FRMD5: variants seen among roughly 807,000 people sequenced by gnomAD.
The protein encoded by FRMD5 is FERM domain containing 5.
FRMD5 carries 20 observed loss-of-function variants against 69.0 expected under a neutral mutation model. The observed-to-expected ratio is 0.29, with a 90% confidence interval of 0.20 to 0.42. The LOEUF is 0.42. Among genes scored for constraint, FRMD5 ranks in the 10% least tolerant of loss-of-function variants. The probability of loss-of-function intolerance (pLI) is 1.00; values close to 1 mark genes in which losing one functional copy is unlikely to be tolerated. For synonymous variants in FRMD5, 271 were observed against 260.1 expected, an observed-to-expected ratio of 1.04 and a Z score of -0.40; for missense variants, 595 against 708.6, an observed-to-expected ratio of 0.84 and a Z score of 1.82.
chr15:44,145,085 G>T (rs2077336523), intron 1 of FRMD5, among the ~76,000 whole-genome samples: 1 of 152,090 alleles, frequency 6.6e-6, no homozygotes, highest in South Asian at 2.1e-4. Context: ...AATCCCAGGG[G>T]GATATATAAA....
chr15:43,888,866 C>A lies in FRMD5; in HGVS notation c.735G>T (p.Glu245Asp). 1 of 1,613,866 alleles carries A rather than the reference C, an allele frequency of 6.2e-7. No homozygotes were observed. The highest frequency in any genetic ancestry group is 8.5e-7 in the Non-Finnish European group (1 of 1,179,770). Residue 245 changes from glutamate to aspartate, a missense_variant, in exon 9 of 14, where the codon GAG becomes GAT. Around this residue, in one of 5 missense-constraint regions of FRMD5, gnomAD observed 176 missense variants for 266.3 expected, o/e 0.66. Transcript: ENST00000417257. ...NKRVHFIKWN[E>D]VTKLKFEGKT... ...TTCCTTCAAATTTCAGCTTGGTCAC[C>A]TCATTCCTAGAAGCACAAAGATAGT...
At chr15:44,153,431 T>G (rs984783057) in intron 1 of FRMD5, among the ~76,000 whole-genome samples, 1 of 152,114 alleles carries the variant, frequency 6.6e-6, no homozygotes, top group Admixed American at 6.5e-5. Context: ...AAATAAACCT[T>G]GAAAAAACTA....
intron 1 of FRMD5, among the ~76,000 whole-genome samples, chr15:44,086,541 C>T (rs1310083513): frequency 6.6e-6 from 1 of 151,992 alleles, no homozygotes; most frequent in Admixed American, 6.6e-5. Flanking sequence ...TTAGTGGTTG[C>T]CAGGGGCTGC....
intron 1 of FRMD5, among the ~76,000 whole-genome samples, chr15:43,962,500 A>G (rs889217859): frequency 6.6e-6 from 1 of 152,218 alleles, no homozygotes; most frequent in Non-Finnish European, 1.5e-5. Context: ...TTATGGATTC[A>G]ATGCCATCCC....
chr15:44,117,209 G>A (rs2076881736), intron 1 of FRMD5, among the ~76,000 whole-genome samples: 1 of 152,092 alleles, frequency 6.6e-6, no homozygotes, highest in South Asian at 2.1e-4. Flanking sequence ...TCTAATGAAA[G>A]TTCTCTTTGG....
At chr15:44,091,338 AT>A (rs2076469554) in intron 1 of FRMD5, among the ~76,000 whole-genome samples, 1 of 152,128 alleles carries the variant, frequency 6.6e-6, no homozygotes, top group Non-Finnish European at 1.5e-5. Context: ...CCTGATATAT[AT>A]AGATATATAT....
At chr15:44,056,882 G>A (rs1308747372) in intron 1 of FRMD5, among the ~76,000 whole-genome samples, 1 of 152,142 alleles carries the variant, frequency 6.6e-6, no homozygotes, top group Non-Finnish European at 1.5e-5. Context: ...TTGCAGGAGG[G>A]AGGAGGAAAT....
At chr15:43,928,031 A>G (rs542032002) in intron 1 of FRMD5, among the ~76,000 whole-genome samples, 1 of 152,190 alleles carries the variant, frequency 6.6e-6, no homozygotes. Flanking sequence ...ACTTCACAGG[A>G]AGAAAAAGGA....
At chr15:44,049,752 A>G (rs1334503474) in intron 1 of FRMD5, among the ~76,000 whole-genome samples, 1 of 152,206 alleles carries the variant, frequency 6.6e-6, no homozygotes, top group Non-Finnish European at 1.5e-5. Flanking sequence ...ACATATATCA[A>G]TAATATATAA....
chr15:44,088,095 G>A (rs1894280418), intron 1 of FRMD5, among the ~76,000 whole-genome samples: 1 of 152,124 alleles, frequency 6.6e-6, no homozygotes, highest in South Asian at 2.1e-4. Flanking sequence ...TGTTCTCCAA[G>A]AAAGTTACAT....
intron 1 of FRMD5, among the ~76,000 whole-genome samples, chr15:44,124,057 C>T (rs560413933): frequency 5.8e-4 from 88 of 151,976 alleles, no homozygotes; most frequent in Non-Finnish European, 1.2e-3. Context: ...AGTGGCATGA[C>T]CTTGGCTCAC....
chr15:44,104,872 A>G (rs954918695), intron 1 of FRMD5, among the ~76,000 whole-genome samples: 2 of 152,270 alleles, frequency 1.3e-5, no homozygotes, highest in East Asian at 1.9e-4. Context: ...TTCATTTAAC[A>G]TAACGTTTTC....
intron 1 of FRMD5, among the ~76,000 whole-genome samples, chr15:44,180,885 A>G (rs1455086411): frequency 6.6e-6 from 1 of 152,196 alleles, no homozygotes; most frequent in Non-Finnish European, 1.5e-5. Flanking sequence ...TTATAAGTAG[A>G]TAGGTTTTGA....
At chr15:44,113,281 T>G (rs1422477107) in intron 1 of FRMD5, among the ~76,000 whole-genome samples, 1 of 152,216 alleles carries the variant, frequency 6.6e-6, no homozygotes, top group Admixed American at 6.5e-5. Flanking sequence ...TCATTTCGCA[T>G]CACTAAGTCC....
At chr15:44,037,615 A>G (rs1034074061) in intron 1 of FRMD5, among the ~76,000 whole-genome samples, 9 of 150,674 alleles carry the variant, frequency 6.0e-5, no homozygotes, top group African/African-American at 2.2e-4. Flanking sequence ...CTACAGGTGC[A>G]TGCCGCCACA....
intron 1 of FRMD5, among the ~76,000 whole-genome samples, chr15:43,944,525 G>A (rs1009010008): frequency 6.6e-6 from 1 of 151,998 alleles, no homozygotes; most frequent in Admixed American, 6.5e-5. Flanking sequence ...GAACTCCCGG[G>A]TTCAAGTGAT....
At chr15:43,940,013 C>T (rs2089834877) in intron 1 of FRMD5, among the ~76,000 whole-genome samples, 1 of 152,140 alleles carries the variant, frequency 6.6e-6, no homozygotes, top group African/African-American at 2.4e-5. Flanking sequence ...CCTGTGTCTA[C>T]TAAAAATACA....
chr15:44,180,091 A>G lies in FRMD5; in HGVS notation c.102+14862T>C, dbSNP rs530676598. On this transcript the variant is annotated intron_variant, in intron 1 of 13. Transcript: ENST00000417257. The stretch of plus-strand genomic sequence containing the variant: ...AAAAAAAGGCAAAAAAGGCAAAAAA[A>G]GAAAACAACTCTGCAGTCACACAGA... Among the ~76,000 whole-genome samples, 25 of 151,668 alleles carry G rather than the reference A, an allele frequency of 1.6e-4. No homozygotes were observed. The South Asian group carries it at 5.2e-3, about 32-fold the overall frequency.
In FRMD5 at chr15:43,931,323, A is replaced by G. The variant is rs1373097490; in HGVS notation, c.103-7014T>C. Among the ~76,000 whole-genome samples, 4 of 152,152 alleles carry G rather than the reference A, an allele frequency of 2.6e-5. No homozygotes were observed. In the East Asian group the frequency reaches 7.7e-4, roughly 29 times the overall value. On this transcript the variant is annotated intron_variant, in intron 1 of 13. Coordinates refer to ENST00000417257, the MANE Select transcript of FRMD5 (RefSeq NM_032892.5). Reference sequence around the variant, plus strand: ...TGGAAACTCAGCCAGGCTTGTTAGGAAAAAACTCATTGCTTTGTATTTGTG... The same window carrying G: ...TGGAAACTCAGCCAGGCTTGTTAGGGAAAAACTCATTGCTTTGTATTTGTG...
Sources: allele counts gnomAD v4.1 joint callset (sites outside exome capture counted in the v4.1 genomes callset), GRCh38; gene constraint gnomAD v4.1.1; regional missense constraint gnomAD v4.1.1; transcripts MANE v1.5; gene names NCBI Gene and HGNC (gene_info 2026-07-23, HGNC 2026-07-21).